The following CPNE4 variants were observed in gnomAD, a reference collection of about 807,000 sequenced individuals.
The protein encoded by CPNE4 is copine-4.
A neutral mutation model predicts 67.9 loss-of-function variants in CPNE4; 25 were observed. The observed-to-expected ratio is 0.37, with a 90% CI of 0.27 to 0.51. The LOEUF (loss-of-function observed/expected upper bound fraction) is 0.51. CPNE4 is among the 20% of genes least tolerant of loss of function. The pLI is 0.93. For missense variants in CPNE4, 464 were observed against 690.8 expected (o/e 0.67, Z 3.68); for synonymous variants, 242 against 244.9 (o/e 0.99, Z 0.11).
intron 3 of CPNE4, among the ~76,000 whole-genome samples, chr3:131,721,419 G>A (rs1296868213): frequency 5.0e-5 from 6 of 119,784 alleles, no homozygotes; most frequent in Non-Finnish European, 6.7e-5. Context: ...TTTTTGAGAC[G>A]GAGTCTTGCT....
intron 7 of CPNE4, among the ~76,000 whole-genome samples, chr3:131,604,766 TTA>T (rs146333280): frequency 0.13 from 19,884 of 151,296 alleles, 1,841 homozygotes; most frequent in African/African-American, 0.26. Context: ...AAACTCCCCT[TTA>T]TATATATATA....
intron 7 of CPNE4, among the ~76,000 whole-genome samples, chr3:131,630,440 A>G (rs773383800): frequency 3.9e-5 from 6 of 152,208 alleles, no homozygotes; most frequent in Non-Finnish European, 7.3e-5. Context: ...AAAAAACCTC[A>G]AACAGAAAAT....
At chr3:131,552,679 T>C (rs931469663) in intron 12 of CPNE4, among the ~76,000 whole-genome samples, 188 bp from the exon 13 acceptor site, 1 of 151,936 alleles carries the variant, frequency 6.6e-6, no homozygotes, top group Non-Finnish European at 1.5e-5. Context: ...AAGCTCCCTG[T>C]GGAGTTGAGG....
chr3:131,717,934 CT>C lies in CPNE4; in HGVS notation c.360+5511del, dbSNP rs1168380288. 2.4e-5 allele frequency among the ~76,000 whole-genome samples: 3 copies of C among 126,624 alleles called. No homozygotes were observed. In the South Asian group the frequency reaches 7.8e-4, roughly 33 times the overall value. The allele number at this position is 126,624 out of a possible 152,430, so 83.1% of individuals were successfully genotyped here. A position where few individuals can be genotyped will look rare whatever the true frequency, so the allele number is the denominator to read the frequency against. ...TCTTTCTTTCTTTCTTTCTTTCTTT[CT>C]TTCTTTCTTTTCTTTCTTTCTCTCT... is the stretch of plus-strand genomic sequence containing the variant. On this transcript the variant is annotated intron_variant, in intron 3 of 15. Transcript: ENST00000429747.
At chr3:131,736,813 G>A (rs2107770885) in intron 2 of CPNE4, among the ~76,000 whole-genome samples, 1 of 152,068 alleles carries the variant, frequency 6.6e-6, no homozygotes, top group South Asian at 2.1e-4. Context: ...TTCTACTCTA[G>A]AAGATTCAAG....
intron 7 of CPNE4, among the ~76,000 whole-genome samples, chr3:131,665,200 A>G (rs543927077): frequency 6.6e-6 from 1 of 151,838 alleles, no homozygotes; most frequent in Non-Finnish European, 1.5e-5. Context: ...GTCTCTACAG[A>G]AAAATTAATC....
intron 2 of CPNE4, among the ~76,000 whole-genome samples, chr3:131,753,611 G>A (rs2107800953): frequency 6.6e-6 from 1 of 152,038 alleles, no homozygotes; most frequent in East Asian, 1.9e-4. Context: ...AGAAAACTGG[G>A]TAAAGAACAT....
chr3:131,864,392 T>C (rs2086839323), intron 2 of CPNE4, among the ~76,000 whole-genome samples: 1 of 152,208 alleles, frequency 6.6e-6, no homozygotes, highest in Non-Finnish European at 1.5e-5. Flanking sequence ...TGAGCAGTGG[T>C]TTGTAGTTCT....
intron 5 of CPNE4, among the ~76,000 whole-genome samples, chr3:131,692,372 T>C (rs1415507283): frequency 1.3e-5 from 2 of 152,186 alleles, no homozygotes; most frequent in Non-Finnish European, 2.9e-5. Flanking sequence ...TGGCACATAA[T>C]AGATGCTCAA....
chr3:131,624,398 T>C (rs372006793), intron 7 of CPNE4, among the ~76,000 whole-genome samples: 1 of 152,130 alleles, frequency 6.6e-6, no homozygotes, highest in African/African-American at 2.4e-5. Flanking sequence ...GGTCATACCT[T>C]GGGGAGAAGT....
rs532296988 is a variant in CPNE4 at position 132,015,017 on chromosome 3, A to T, written c.-2+19550T>A. On this transcript the variant is annotated intron_variant, in intron 1 of 15. Coordinates refer to ENST00000429747, the MANE Select transcript of CPNE4 (RefSeq NM_130808.3). ...AATATGGAACAAAACTGTTTGATTTATTCTGCTGCTCAAATATATAATTTA... is the reference window on the plus strand; with the variant it reads ...AATATGGAACAAAACTGTTTGATTTTTTCTGCTGCTCAAATATATAATTTA... 4.6e-5 allele frequency among the ~76,000 whole-genome samples: 7 copies of T among 152,298 alleles called. No individual in the cohort carries two copies. In the South Asian group the frequency reaches 1.5e-3, roughly 32 times the overall value.
intron 2 of CPNE4, among the ~76,000 whole-genome samples, chr3:131,808,249 C>A (rs531769445): frequency 8.3e-4 from 127 of 152,256 alleles, no homozygotes; most frequent in Admixed American, 1.8e-3. Context: ...TGTTAAGAGA[C>A]AAATTAATTA....
intron 2 of CPNE4, among the ~76,000 whole-genome samples, chr3:131,745,332 T>C (rs778020519): frequency 2.0e-5 from 3 of 152,144 alleles, no homozygotes; most frequent in Non-Finnish European, 4.4e-5. Context: ...TACTGTTACA[T>C]ATGTGGTCTG....
At chr3:131,835,310 G>A (rs1269512855) in intron 2 of CPNE4, among the ~76,000 whole-genome samples, 1 of 152,136 alleles carries the variant, frequency 6.6e-6, no homozygotes, top group Non-Finnish European at 1.5e-5. Context: ...GGGCAGATCA[G>A]CTGAGGTCAG....
intron 1 of CPNE4, among the ~76,000 whole-genome samples, chr3:131,997,869 C>T (rs1170407728): frequency 6.6e-6 from 1 of 152,052 alleles, no homozygotes; most frequent in Non-Finnish European, 1.5e-5. Context: ...GTTTTTGAGT[C>T]GGAGAGTGGC....
chr3:132,010,089 A>G (rs1315135430), intron 1 of CPNE4, among the ~76,000 whole-genome samples: 2 of 152,200 alleles, frequency 1.3e-5, no homozygotes, highest in African/African-American at 4.8e-5. Flanking sequence ...GTGTCTTTGA[A>G]AAGTACTATC....
chr3:131,811,342 C>G (rs921705565), intron 2 of CPNE4, among the ~76,000 whole-genome samples: 1 of 151,828 alleles, frequency 6.6e-6, no homozygotes, highest in African/African-American at 2.4e-5. Context: ...ATATGTGCAG[C>G]TTTTTATATG....
Position 132,025,952 on chromosome 3 carries a change from C to T in CPNE4, c.-2+8615G>A, listed in dbSNP as rs115110052. Among the ~76,000 whole-genome samples the T allele has an allele frequency of 6.3e-3, 953 of 152,178 alleles. 8 individuals are homozygous for T. The highest frequency in any genetic ancestry group is 0.022 in the African/African-American group (920 of 41,516). On this transcript the variant is annotated intron_variant, in intron 1 of 15. Coordinates refer to ENST00000429747, the MANE Select transcript of CPNE4 (RefSeq NM_130808.3). ...GTCAATGCGTAAAGTACAACACACACGTAGTCAAAATAATCCTTGAAAAAT... is the reference window on the plus strand; with the variant it reads ...GTCAATGCGTAAAGTACAACACACATGTAGTCAAAATAATCCTTGAAAAAT...
chr3:131,709,379 A>G (rs1429100385), intron 3 of CPNE4, among the ~76,000 whole-genome samples: 1 of 152,094 alleles, frequency 6.6e-6, no homozygotes, highest in Admixed American at 6.5e-5. Context: ...GCTGAAGGAG[A>G]GTCATAGCAG....
Sources: allele counts gnomAD v4.1 joint callset (sites outside exome capture counted in the v4.1 genomes callset), GRCh38; gene constraint gnomAD v4.1.1; transcripts MANE v1.5; gene names NCBI Gene and HGNC (gene_info 2026-07-23, HGNC 2026-07-21).